Variants in SSUH2 observed in about 807,000 individuals in gnomAD.
SSUH2 encodes the protein protein SSUH2 homolog.
A neutral mutation model predicts 55.3 loss-of-function variants in SSUH2; 47 were observed. The observed-to-expected ratio is 0.85, with a 90% CI of 0.67 to 1.08. The LOEUF (loss-of-function observed/expected upper bound fraction) is 1.08. Ranked by LOEUF, SSUH2 falls within the 50% of genes least tolerant of loss-of-function variation. The probability of loss-of-function intolerance (pLI) is 0.00; values close to 1 mark genes in which losing one functional copy is unlikely to be tolerated. For missense variants in SSUH2, 535 were observed against 490.7 expected (o/e 1.09, Z -0.85); for synonymous variants, 212 against 191.5 (o/e 1.11, Z -0.89).
At chr3:8,639,319 C>G (rs977451354) in intron 1 of SSUH2, among the ~76,000 whole-genome samples, 1 of 152,206 alleles carries the variant, frequency 6.6e-6, no homozygotes, top group South Asian at 2.1e-4. Flanking sequence ...ACATTGTAGG[C>G]ATGATCTCCT....
intron 1 of SSUH2, chr3:8,640,070 C>CTGTG: frequency 4.5e-6 from 4 of 879,426 alleles, no homozygotes; most frequent in Non-Finnish European, 5.4e-6. Flanking sequence ...TTGACAGGGG[C>CTGTG]TGTGGGGAGA....
chr3:8,627,601 C>T (rs796642660), intron 8 of SSUH2, 97 bp downstream of exon 8: 72 of 1,031,140 alleles, frequency 7.0e-5, no homozygotes, highest in African/African-American at 6.8e-4. Context: ...ACAGCAGTGA[C>T]GAGACAGATG....
chr3:8,673,860 G>A (rs993007967), intron 3 of SSUH2, among the ~76,000 whole-genome samples: 6 of 152,276 alleles, frequency 3.9e-5, no homozygotes, highest in South Asian at 2.1e-4. Flanking sequence ...GGCCACAAAC[G>A]TTAACAAGGT....
chr3:8,619,708 G>T lies in SSUH2; in HGVS notation c.*160C>A. ...GGATTCCACCAGAGGAGCTGTATAA[G>T]GGGTTGGAGCTTGATAGATGATAAG... On this transcript the variant is annotated 3_prime_UTR_variant, in exon 12 of 12. Coordinates refer to ENST00000544814, the MANE Select transcript of SSUH2 (RefSeq NM_001256748.3). 1 of 712,666 alleles carries T rather than the reference G, an allele frequency of 1.4e-6. No homozygotes were observed. The highest frequency in any genetic ancestry group is 2.0e-5 in the South Asian group (1 of 51,100). The allele number at this position is 712,666 out of a possible 1,614,324, so 44.1% of individuals were successfully genotyped here. A position where few individuals can be genotyped will look rare whatever the true frequency, so the allele number is the denominator to read the frequency against.
chr3:8,632,020 G>C (rs1224393102), intron 5 of SSUH2, 29 bp downstream of exon 5: 5 of 1,598,146 alleles, frequency 3.1e-6, no homozygotes, highest in Non-Finnish European at 4.3e-6. Flanking sequence ...TTTGCCCCCA[G>C]TTAAACTAAT....
chr3:8,652,283 G>C (rs922222872), intron 7 of SSUH2, among the ~76,000 whole-genome samples: 1 of 152,180 alleles, frequency 6.6e-6, no homozygotes, highest in African/African-American at 2.4e-5. Context: ...ATCTCCCCCA[G>C]TCCCAGGGTC....
At chr3:8,639,950 C>T (rs757355667) in intron 1 of SSUH2, 23 of 985,132 alleles carry the variant, frequency 2.3e-5, no homozygotes, top group Non-Finnish European at 2.7e-5. Context: ...AAACCTACCA[C>T]GATGGGTGTA....
chr3:8,633,630 C>T (rs535630907), intron 4 of SSUH2, 36 bp downstream of exon 4: 8 of 1,482,784 alleles, frequency 5.4e-6, no homozygotes, highest in Admixed American at 4.9e-5. Flanking sequence ...TCCCCAGCCC[C>T]CCGGCCAAGG....
intron 8 of SSUH2, 104 bp from the exon 9 acceptor site, chr3:8,626,425 G>A (rs2125114715): frequency 2.5e-6 from 2 of 810,994 alleles, no homozygotes; most frequent in East Asian, 5.0e-5. Flanking sequence ...GACTGTGGTG[G>A]GCCTGCATTG....
upstream of SSUH2, among the ~76,000 whole-genome samples, chr3:8,648,002 AG>A (rs956936605): frequency 2.6e-5 from 4 of 152,212 alleles, no homozygotes; most frequent in African/African-American, 9.6e-5. Flanking sequence ...TCTGGGAGCC[AG>A]GGAAACTGGC....
intron 1 of SSUH2, among the ~76,000 whole-genome samples, chr3:8,642,440 T>C (rs1176247161): frequency 1.3e-5 from 2 of 152,200 alleles, no homozygotes; most frequent in Non-Finnish European, 2.9e-5. Context: ...GAGATAGCGA[T>C]TCAATGTAAG....
intron 7 of SSUH2, among the ~76,000 whole-genome samples, chr3:8,653,752 G>T (rs188475193): frequency 6.6e-6 from 1 of 152,228 alleles, no homozygotes; most frequent in Admixed American, 6.5e-5. Flanking sequence ...CCTTTAAAAA[G>T]CACAAATCTT....
At chr3:8,632,252 GC>G in intron 4 of SSUH2, 143 bp from the exon 5 acceptor site, 1 of 648,834 alleles carries the variant, frequency 1.5e-6, no homozygotes, top group East Asian at 2.8e-5. Flanking sequence ...GCTGGAACTG[GC>G]TGACAACAGC....
In SSUH2 at chr3:8,681,101, G is replaced by A. The variant is rs1337253666; in HGVS notation, c.-1046+790C>T. Among the ~76,000 whole-genome samples the A allele has an allele frequency of 4.3e-5, 4 of 93,314 alleles. 1 individual carries two copies. Among genetic ancestry groups the A allele is most frequent in the Non-Finnish European group, 7.8e-5 (3 of 38,686 alleles). 61.2% of individuals were successfully genotyped at this position (93,314 alleles called of 152,430 possible). A position where few individuals can be genotyped will look rare whatever the true frequency, so the allele number is the denominator to read the frequency against. On this transcript the variant is annotated intron_variant, in intron 1 of 18. Coordinates refer to the SSUH2 transcript ENST00000317371. ...CATAGCAGGGGGGAGAGGCACCCCC[G>A]CGAGGCGGGTTCTGAGAGCCAGCCC...
In SSUH2 at chr3:8,678,593, A is replaced by G. The variant is rs55737530; in HGVS notation, c.-901+1112T>C. ...GAGGGGGGAACACCCCCCGCGAGGC[A>G]GGGACTGAGAGCCAGCCCTTCTTCC... is the stretch of plus-strand genomic sequence containing the variant. On this transcript the variant is annotated intron_variant, in intron 2 of 18. Coordinates refer to the SSUH2 transcript ENST00000317371. Among the ~76,000 whole-genome samples, 180 of 83,190 alleles carry G rather than the reference A, an allele frequency of 2.2e-3. 4 individuals carry two copies. Among genetic ancestry groups the G allele is most frequent in the Middle Eastern group, 0.011 (1 of 94 alleles). The allele number at this position is 83,190 out of a possible 152,430, so 54.6% of individuals were successfully genotyped here. A position where few individuals can be genotyped will look rare whatever the true frequency, so the allele number is the denominator to read the frequency against.
chr3:8,622,880 G>C (rs764356287), intron 11 of SSUH2, among the ~76,000 whole-genome samples: 6 of 152,178 alleles, frequency 3.9e-5, no homozygotes, highest in Non-Finnish European at 8.8e-5. Flanking sequence ...AAGGAGGGAA[G>C]TGGCTGGCCC....
chr3:8,651,684 T>C lies in SSUH2; in HGVS notation c.-307+7241A>G, dbSNP rs567102851. ...CATAGCCCCACTGCAGAGTCTCCCA[T>C]GAAGCCAAAAGTGGCAGAAATCATT... On this transcript the variant is annotated intron_variant, in intron 7 of 18. Transcript: ENST00000317371. Among the ~76,000 whole-genome samples the C allele has an allele frequency of 5.9e-5, 9 of 152,290 alleles. No homozygotes were observed. The South Asian group carries it at 1.5e-3, about 25-fold the overall frequency.
At chr3:8,635,414 C>CCCTGACTCTT in intron 2 of SSUH2, 33 bp from the exon 3 acceptor site, 1 of 1,466,676 alleles carries the variant, frequency 6.8e-7, no homozygotes, top group Non-Finnish European at 9.2e-7. Flanking sequence ...GCTGGACAGC[C>CCCTGACTCTT]CAGGCCAAAG....
chr3:8,648,491 C>T (rs1013307614), upstream of SSUH2, among the ~76,000 whole-genome samples: 1 of 152,166 alleles, frequency 6.6e-6, no homozygotes, highest in African/African-American at 2.4e-5. Flanking sequence ...AGGTCACCTT[C>T]CACCTTTCCT....
Sources: gnomAD v4.1 joint callset for allele counts (sites outside exome capture counted in the v4.1 genomes callset) on GRCh38, gnomAD v4.1.1 for gene constraint, MANE v1.5 for transcripts, NCBI Gene and HGNC (gene_info 2026-07-23, HGNC 2026-07-21) for gene names.